PCM1: variants seen among roughly 807,000 people sequenced by gnomAD.
PCM1 encodes the protein pericentriolar material 1.
A neutral mutation model predicts 241.9 loss-of-function variants in PCM1; 157 were observed. That is an observed-to-expected ratio of 0.65 (90% CI 0.57 to 0.74). The LOEUF is 0.74. Ranked by LOEUF, PCM1 falls within the 30% of genes least tolerant of loss-of-function variation. The pLI, the probability that PCM1 is intolerant of heterozygous loss-of-function variation, is 0.00. For synonymous variants in PCM1, 1,085 were observed against 784.9 expected, an observed-to-expected ratio of 1.38 and a Z score of -6.39; for missense variants, 3,478 against 2,360.1, an observed-to-expected ratio of 1.47 and a Z score of -9.81.
At chr8:18,018,982 A>G (rs1027893960) in intron 36 of PCM1, among the ~76,000 whole-genome samples, 5 of 150,506 alleles carry the variant, frequency 3.3e-5, no homozygotes, top group African/African-American at 9.8e-5. Flanking sequence ...TAAATTGTCA[A>G]TCCAAGATTT....
At chr8:17,974,509 G>T (rs1212816251) in intron 23 of PCM1, among the ~76,000 whole-genome samples, 3 of 152,106 alleles carry the variant, frequency 2.0e-5, no homozygotes, top group Non-Finnish European at 4.4e-5. Flanking sequence ...ACTTGGAAGG[G>T]ACTTGAGAGT....
At chr8:17,936,029 C>G (rs563221257) in intron 3 of PCM1, among the ~76,000 whole-genome samples, 5 of 152,260 alleles carry the variant, frequency 3.3e-5, no homozygotes, top group Middle Eastern at 3.4e-3. Flanking sequence ...CACCCTAACT[C>G]TGCTTTTGAG....
In PCM1 at chr8:18,013,987, G is replaced by C; in HGVS notation, c.5535G>C (p.Lys1845Asn). 6.2e-7 allele frequency: 1 copy of C among 1,601,772 alleles called. No individual in the cohort carries two copies. The highest frequency in any genetic ancestry group is 1.1e-5 in the South Asian group (1 of 88,330). ...DEQVLQRDFK[K>N]TAESKNVPLE... ...AGGTCCTACAACGTGACTTTAAAAA[G>C]ACAGCAGAAAGCAAAAATGTCCCAT... Residue 1845 changes from lysine (K) to asparagine (N), a missense_variant, in exon 35 of 39, where the codon AAG (lysine) becomes AAC (asparagine). Coordinates refer to ENST00000325083, the MANE Select transcript of PCM1 (RefSeq NM_006197.4).
At position 18,018,848 on chromosome 8, in the gene PCM1, G is replaced by GTATATA. The variant is rs765183382; in HGVS notation, c.5841+4009_5841+4010insATATAT. Among the ~76,000 whole-genome samples, 125 of 36,144 alleles carry GTATATA rather than the reference G, an allele frequency of 3.5e-3. 1 individual carries two copies. Among genetic ancestry groups the GTATATA allele is most frequent in the Admixed American group, 4.6e-3 (19 of 4,146 alleles). 23.7% of individuals were successfully genotyped at this position (36,144 alleles called of 152,430 possible). A position where few individuals can be genotyped will look rare whatever the true frequency, so the allele number is the denominator to read the frequency against. ...TATGTATATATATATATGTGTGTGT[G>GTATATA]TGTGTATATATATATATATATATAT... On this transcript the variant is annotated intron_variant, in intron 36 of 38. Transcript: ENST00000325083.
At chr8:17,963,078 C>T (rs1380440696) in intron 16 of PCM1, 23 bp from the exon 17 acceptor site, 1 of 1,551,954 alleles carries the variant, frequency 6.4e-7, no homozygotes, top group Non-Finnish European at 8.8e-7. Context: ...ATTTATTTAA[C>T]TCTGGTTTCT....
At chr8:17,994,186 A>G (rs749093785) in intron 29 of PCM1, among the ~76,000 whole-genome samples, 221 of 152,192 alleles carry the variant, frequency 1.5e-3, no homozygotes, top group Non-Finnish European at 2.3e-3. Flanking sequence ...ATTCCCTACT[A>G]CCTTTCATAG....
chr8:17,936,710 T>A (rs1426944773), intron 3 of PCM1, among the ~76,000 whole-genome samples: 3 of 152,166 alleles, frequency 2.0e-5, no homozygotes, highest in Admixed American at 2.0e-4. Flanking sequence ...CAGAAAACAG[T>A]AATTAGGTTT....
At chr8:17,923,456 C>T (rs1203737507) in intron 1 of PCM1, among the ~76,000 whole-genome samples, 1 of 152,204 alleles carries the variant, frequency 6.6e-6, no homozygotes, top group East Asian at 1.9e-4. Flanking sequence ...CCTCGCCCCT[C>T]CTGCTGGCCC....
chr8:17,942,490 T>C (rs1011186641), intron 6 of PCM1, among the ~76,000 whole-genome samples: 2 of 152,018 alleles, frequency 1.3e-5, no homozygotes, highest in Non-Finnish European at 2.9e-5. Flanking sequence ...TAAATAAATT[T>C]AGATGGTAGT....
intron 24 of PCM1, among the ~76,000 whole-genome samples, chr8:17,981,943 A>G (rs949149535): frequency 6.6e-6 from 1 of 152,170 alleles, no homozygotes; most frequent in African/African-American, 2.4e-5. Context: ...TGTTGTCTCA[A>G]CAGTATGGTT....
At chr8:18,013,796 A>G (rs1588521137) in intron 34 of PCM1, 168 bp from the exon 35 acceptor site, 1 of 563,280 alleles carries the variant, frequency 1.8e-6, no homozygotes, top group Admixed American at 3.8e-5. Flanking sequence ...TAACTTAGCC[A>G]TCTTGAAATC....
At chr8:17,950,509 A>T (rs1010700899) in intron 7 of PCM1, 106 bp from the exon 8 acceptor site, 2 of 641,322 alleles carry the variant, frequency 3.1e-6, no homozygotes, top group Non-Finnish European at 2.7e-6. Flanking sequence ...CAAGTTACGT[A>T]TGTGAGCTTT....
rs772863396 is a variant in PCM1 at position 17,960,327 on chromosome 8, T to C, written c.2205T>C (p.Tyr735=). 2.5e-6 allele frequency: 4 copies of C among 1,589,238 alleles called. No homozygotes were observed. In the East Asian group the frequency reaches 8.9e-5, roughly 36 times the overall value. The change falls in exon 15 of 39, where the codon TAT becomes TAC. Residue 735 remains tyrosine, a synonymous_variant. Transcript: ENST00000325083. ...AATTTAATTGTAGAGAGAAATTTTATGAGGCTAAACTACAGCAGCAACAGA... is the reference window on the plus strand; with the variant it reads ...AATTTAATTGTAGAGAGAAATTTTACGAGGCTAAACTACAGCAGCAACAGA... ...GVNEKAREKF[Y]EAKLQQQQRE...
intron 29 of PCM1, among the ~76,000 whole-genome samples, chr8:18,003,373 G>T (rs62498198): frequency 0.011 from 1,716 of 152,264 alleles, 11 homozygotes; most frequent in Non-Finnish European, 0.018. Context: ...TTACAGCTTG[G>T]TCTGGCCTCT....
chr8:17,974,478 G>C (rs2077956097), intron 23 of PCM1, among the ~76,000 whole-genome samples: 1 of 152,138 alleles, frequency 6.6e-6, no homozygotes, highest in African/African-American at 2.4e-5. Flanking sequence ...ACAGTTTTAA[G>C]TGCAGATTCT....
chr8:17,943,393 A>G (rs974338174), intron 6 of PCM1, among the ~76,000 whole-genome samples: 4 of 152,184 alleles, frequency 2.6e-5, no homozygotes, highest in Admixed American at 6.5e-5. Context: ...TTTAAAAACT[A>G]GTGGCATTGG....
rs2092836618 is a variant in PCM1, at chr8:18,013,986, A to G, written c.5534A>G (p.Lys1845Arg). 1 of 1,604,480 alleles carries G rather than the reference A, an allele frequency of 6.2e-7. No homozygotes were observed. Among genetic ancestry groups the G allele is most frequent in the Non-Finnish European group, 8.5e-7 (1 of 1,175,662 alleles). Reference sequence around the variant, plus strand: ...TAGGTCCTACAACGTGACTTTAAAAAGACAGCAGAAAGCAAAAATGTCCCA... The same window carrying G: ...TAGGTCCTACAACGTGACTTTAAAAGGACAGCAGAAAGCAAAAATGTCCCA... The part of the protein sequence containing the change: ...DEQVLQRDFK[K>R]TAESKNVPLE... Residue 1845 changes from lysine to arginine, a missense_variant, in exon 35 of 39, where the codon AAG becomes AGG. Lys to Arg is a conservative substitution (Grantham distance 26). Transcript: ENST00000325083.
At chr8:17,958,638 C>T (rs558054842) in intron 13 of PCM1, among the ~76,000 whole-genome samples, 162 of 152,118 alleles carry the variant, frequency 1.1e-3, no homozygotes, top group African/African-American at 3.9e-3. Context: ...GTTTTATTAA[C>T]AGTTTCTTTT....
intron 2 of PCM1, chr8:17,926,004 T>C (rs2299584): frequency 6.6e-6 from 1 of 151,972 alleles, no homozygotes; most frequent in Admixed American, 6.6e-5. Context: ...GTGGGTTTTT[T>C]TTTTTTTAAA....
Sources: allele counts gnomAD v4.1 joint callset (sites outside exome capture counted in the v4.1 genomes callset), GRCh38; gene constraint gnomAD v4.1.1; transcripts MANE v1.5; gene names NCBI Gene and HGNC (gene_info 2026-07-23, HGNC 2026-07-21).